The following MB variants were observed in gnomAD, a reference collection of about 807,000 sequenced individuals.
The protein encoded by MB is myoglobin.
A neutral mutation model predicts 14.5 loss-of-function variants in MB; 10 were observed. The observed-to-expected ratio is 0.69, with a 90% CI of 0.43 to 1.17. MB has a LOEUF of 1.17. MB is among the 50% of genes most tolerant of loss of function. The pLI is 0.00. For synonymous variants in MB, 89 were observed against 78.6 expected (o/e 1.13, Z -0.70); for missense variants, 169 against 192.7 (o/e 0.88, Z 0.73).
At position 35,610,899 on chromosome 22, in the gene MB, G is replaced by A. The variant is rs145228972; in HGVS notation, c.303C>T (p.Pro101=). The change falls in exon 2 of 3, where the codon CCC becomes CCT. Residue 101 remains proline (P), a synonymous_variant. Coordinates refer to ENST00000397326, the MANE Select transcript of MB (RefSeq NM_005368.3). ...CTGCTCCTACCTCCAGGTACTTCACGGGGATCTTGTGCTTGGTGGCATGCG... is the reference window on the plus strand; with the variant it reads ...CTGCTCCTACCTCCAGGTACTTCACAGGGATCTTGTGCTTGGTGGCATGCG... ...AQSHATKHKI[P]VKYLEFISEC... 31 of 1,613,850 alleles carry A rather than the reference G, an allele frequency of 1.9e-5. No individual in the cohort carries two copies. In the African/African-American group the frequency reaches 2.4e-4, roughly 13 times the overall value.
chr22:35,617,038 C>T (rs753422017), intron 1 of MB, 125 bp downstream of exon 1: 31 of 703,928 alleles, frequency 4.4e-5, no homozygotes, highest in Non-Finnish European at 6.6e-5. Context: ...AGCAAGTGAC[C>T]GTTCTAACAC....
upstream of MB, among the ~76,000 whole-genome samples, chr22:35,618,701 C>A (rs977090941): frequency 7.2e-5 from 11 of 152,084 alleles, no homozygotes; most frequent in African/African-American, 2.7e-4. Flanking sequence ...ATCTATCCAT[C>A]CACCCATCCA....
intron 1 of MB, among the ~76,000 whole-genome samples, chr22:35,614,359 G>A (rs536083124): frequency 4.6e-5 from 7 of 152,220 alleles, no homozygotes; most frequent in African/African-American, 1.4e-4. Context: ...AGGCCAAGGC[G>A]GGCAGATCAC....
intron 2 of MB, among the ~76,000 whole-genome samples, chr22:35,609,936 G>A (rs1410329342): frequency 2.6e-5 from 4 of 152,176 alleles, no homozygotes; most frequent in South Asian, 2.1e-4. Flanking sequence ...TCTTTCTCCT[G>A]CTTCCAGTTG....
chr22:35,617,566 A>C (rs564003065), upstream of MB: 5 of 334,492 alleles, frequency 1.5e-5, no homozygotes, highest in East Asian at 3.3e-4. Flanking sequence ...GTGTGGAAAG[A>C]AGGGGAGGAG....
chr22:35,616,338 T>C (rs1923076395), intron 1 of MB, among the ~76,000 whole-genome samples: 1 of 152,186 alleles, frequency 6.6e-6, no homozygotes, highest in Non-Finnish European at 1.5e-5. Context: ...AATTTTGTTT[T>C]CTTTGGTGTA....
chr22:35,612,001 C>T (rs1197244458), intron 1 of MB, among the ~76,000 whole-genome samples: 1 of 152,198 alleles, frequency 6.6e-6, no homozygotes, highest in Non-Finnish European at 1.5e-5. Flanking sequence ...TCATGGAAGA[C>T]CACAGAGATA....
upstream of MB, chr22:35,622,061 C>G (rs1923500944): frequency 6.6e-6 from 1 of 152,262 alleles, no homozygotes; most frequent in African/African-American, 2.4e-5. Context: ...TTTGCTAGCC[C>G]TTGGACAGCT....
chr22:35,612,637 G>C (rs1922724731), intron 1 of MB, among the ~76,000 whole-genome samples: 1 of 152,104 alleles, frequency 6.6e-6, no homozygotes, highest in Non-Finnish European at 1.5e-5. Flanking sequence ...AATCCTGATG[G>C]GGTAGACGCC....
At chr22:35,610,233 C>G (rs1023057315) in intron 2 of MB, among the ~76,000 whole-genome samples, 1 of 152,206 alleles carries the variant, frequency 6.6e-6, no homozygotes, top group African/African-American at 2.4e-5. Context: ...GCTCCTGCCC[C>G]CAACCCTGAT....
Position 35,607,309 on chromosome 22 carries a change from G to A in MB, c.453C>T (p.Gly151=). Reference sequence around the variant, plus strand: ...GAGCGGCAGGGGCCTAGCCCTGGAAGCCCAGCTCCTTGTAGTTGGAGGCCA... The same window carrying A: ...GAGCGGCAGGGGCCTAGCCCTGGAAACCCAGCTCCTTGTAGTTGGAGGCCA... ...KDMASNYKEL[G]FQG Residue 151 remains glycine (G), a synonymous_variant, in exon 3 of 3, where the codon GGC becomes GGT. Coordinates refer to ENST00000397326, the MANE Select transcript of MB (RefSeq NM_005368.3). 1 of 1,613,384 alleles carries A rather than the reference G, an allele frequency of 6.2e-7. No individual in the cohort carries two copies. The highest frequency in any genetic ancestry group is 8.5e-7 in the Non-Finnish European group (1 of 1,179,400).
chr22:35,618,914 A>G (rs1191295197), upstream of MB, among the ~76,000 whole-genome samples: 2 of 134,182 alleles, frequency 1.5e-5, no homozygotes, highest in Non-Finnish European at 3.2e-5. Flanking sequence ...CCCTCCATCT[A>G]TCTATCTGTT....
intron 1 of MB, among the ~76,000 whole-genome samples, chr22:35,622,839 C>G (rs1292893444): frequency 6.6e-6 from 1 of 152,024 alleles, no homozygotes; most frequent in African/African-American, 2.4e-5. Context: ...ATCCACCCAT[C>G]CTCCCCTTCC....
chr22:35,609,431 T>G (rs1401677553), intron 2 of MB, among the ~76,000 whole-genome samples: 1 of 152,116 alleles, frequency 6.6e-6, no homozygotes, highest in South Asian at 2.1e-4. Context: ...CGGCCTCACA[T>G]GCAGGGTTGT....
intron 1 of MB, 106 bp from the exon 2 acceptor site, chr22:35,611,212 AC>A: frequency 1.3e-6 from 1 of 761,804 alleles, no homozygotes; most frequent in Non-Finnish European, 2.2e-6. Flanking sequence ...CAGCTGTGTG[AC>A]CTTGGGCCAT....
Position 35,607,423 on chromosome 22 carries a change from G to A in MB, c.339C>T (p.Ile113=), listed in dbSNP as rs1922236816. The A allele has an allele frequency of 6.2e-7, 1 of 1,613,934 alleles. No individual in the cohort carries two copies. The highest frequency in any genetic ancestry group is 1.3e-5 in the African/African-American group (1 of 74,936). ...KYLEFISECI[I]QVLQSKHPGD... ...CGGGATGCTTGCTCTGCAGAACCTGGATGATGCATTCCGAGATGAACTGCA... is the reference window on the plus strand; with the variant it reads ...CGGGATGCTTGCTCTGCAGAACCTGAATGATGCATTCCGAGATGAACTGCA... The change falls in exon 3 of 3, where the codon ATC becomes ATT. Residue 113 remains isoleucine (I), a synonymous_variant. Coordinates refer to ENST00000397326, the MANE Select transcript of MB (RefSeq NM_005368.3).
At chr22:35,613,594 C>A (rs967213943) in intron 1 of MB, among the ~76,000 whole-genome samples, 17 of 152,190 alleles carry the variant, frequency 1.1e-4, no homozygotes, top group African/African-American at 4.1e-4. Context: ...CTCCTGGGCC[C>A]AAGTGATCCT....
At chr22:35,617,915 A>T (rs575933511), upstream of MB, among the ~76,000 whole-genome samples, 5 of 152,168 alleles carry the variant, frequency 3.3e-5, no homozygotes, top group Non-Finnish European at 7.3e-5. Flanking sequence ...TTCCCTCTGA[A>T]AAGTTTTTCT....
At position 35,608,756 on chromosome 22, in the gene MB, C is replaced by A. The variant is rs369156570; in HGVS notation, c.319-1313G>T. 3.9e-5 allele frequency among the ~76,000 whole-genome samples: 6 copies of A among 152,310 alleles called. No homozygotes were observed. Among genetic ancestry groups the A allele is most frequent in the African/African-American group, 1.4e-4 (6 of 41,570 alleles). The stretch of plus-strand genomic sequence containing the variant: ...CACCCACCCAGATGGCCTGGTTGGG[C>A]CCCCAGCTCAGACTTTCTGGAGTCC... On this transcript the variant is annotated intron_variant, in intron 2 of 2. Transcript: ENST00000397326. The surrounding 1 kb of genome is among the most constrained non-coding windows in gnomAD (Gnocchi z 4.3).
Sources: gnomAD v4.1 joint callset for allele counts (sites outside exome capture counted in the v4.1 genomes callset) on GRCh38, gnomAD v4.1.1 for gene constraint, Gnocchi (gnomAD v3.1) non-coding constraint, MANE v1.5 for transcripts, NCBI Gene and HGNC (gene_info 2026-07-23, HGNC 2026-07-21) for gene names.